Variants in MARCHF7 observed in about 807,000 individuals in gnomAD.
The protein encoded by MARCHF7 is membrane associated ring-CH-type finger 7.
A neutral mutation model predicts 76.5 loss-of-function variants in MARCHF7; 20 were observed. That is an observed-to-expected ratio of 0.26 (90% CI 0.18 to 0.38). MARCHF7 has a LOEUF of 0.38. MARCHF7 is among the 10% of genes least tolerant of loss of function. The pLI, the probability that MARCHF7 is intolerant of heterozygous loss-of-function variation, is 1.00. For synonymous variants in MARCHF7, 295 were observed against 293.0 expected (o/e 1.01, Z -0.07); for missense variants, 797 against 812.9 (o/e 0.98, Z 0.24).
In MARCHF7 at chr2:159,764,657, A is replaced by C. The variant is rs754805012; in HGVS notation, c.2039A>C (p.His680Pro). Residue 680 changes from histidine (H) to proline (P), a missense_variant, in exon 11 of 12, where the codon CAT becomes CCT. Around this residue, in one of 3 missense-constraint regions of MARCHF7, gnomAD observed 124 missense variants for 121.3 expected, o/e 1.02. Coordinates refer to ENST00000409175, the MANE Select transcript of MARCHF7 (RefSeq NM_001282805.2). ...FINLARTLQA[H>P]MEDLETSEDD... ...AACCTTGCAAGAACTCTTCAGGCAC[A>C]TATGGAAGATCTCGAAAGTAGGTGG... is the stretch of plus-strand genomic sequence containing the variant. 6.9e-6 allele frequency: 11 copies of C among 1,603,208 alleles called. No homozygotes were observed. In the South Asian group the frequency reaches 1.2e-4, roughly 18 times the overall value.
intron 5 of MARCHF7, among the ~76,000 whole-genome samples, chr2:159,743,788 TC>T (rs1250901687): frequency 1.3e-5 from 2 of 150,462 alleles, no homozygotes; most frequent in African/African-American, 2.4e-5. Context: ...ATGCCTGTAG[TC>T]CCCAGCCACT....
intron 4 of MARCHF7, among the ~76,000 whole-genome samples, chr2:159,734,288 A>T (rs1574284643): frequency 6.6e-6 from 1 of 150,798 alleles, no homozygotes; most frequent in East Asian, 1.9e-4. Flanking sequence ...GAGGCTTTTT[A>T]TAAGGTTGTA....
chr2:159,734,148 A>G (rs1206914392), intron 4 of MARCHF7: 6 of 1,097,200 alleles, frequency 5.5e-6, no homozygotes, highest in African/African-American at 1.6e-5. Context: ...AAAAGGGGTT[A>G]TTTGTGGATA....
Position 159,770,387 on chromosome 2 carries a change from T to C in MARCHF7, c.*3045T>C, listed in dbSNP as rs17815029. ...TAATAGTTTTCTATCACTTTTTAGT[T>C]ACTCATGTCTCATTAATGATAGTGC... On this transcript the variant is annotated 3_prime_UTR_variant, in exon 12 of 12. Transcript: ENST00000409175. 0.32 allele frequency: 48,421 copies of C among 152,078 alleles called. 9,684 individuals are homozygous for C. Among genetic ancestry groups the C allele is most frequent in the Admixed American group, 0.48 (7,371 of 15,274 alleles). The allele number at this position is 152,078 out of a possible 1,614,324, so 9.4% of individuals were successfully genotyped here. A position where few individuals can be genotyped will look rare whatever the true frequency, so the allele number is the denominator to read the frequency against.
intron 3 of MARCHF7, among the ~76,000 whole-genome samples, chr2:159,727,669 G>A (rs1452565686): frequency 1.3e-5 from 2 of 152,282 alleles, no homozygotes; most frequent in East Asian, 1.9e-4. Context: ...ACAATCTAGC[G>A]TACATTCATG....
intron 1 of MARCHF7, among the ~76,000 whole-genome samples, chr2:159,713,019 G>A (rs1700423461): frequency 6.6e-6 from 1 of 152,244 alleles, no homozygotes; most frequent in Non-Finnish European, 1.5e-5. Flanking sequence ...GGCCGCGGGT[G>A]TCGCGCGTGA....
chr2:159,762,820 A>T (rs562194971), intron 9 of MARCHF7, 60 bp from the exon 10 acceptor site: 1 of 998,436 alleles, frequency 1.0e-6, no homozygotes, highest in East Asian at 2.5e-5. Flanking sequence ...ATCAATCTCA[A>T]TTCTACTAAT....
chr2:159,751,185 T>G (rs1037464369), intron 7 of MARCHF7, among the ~76,000 whole-genome samples: 21 of 152,226 alleles, frequency 1.4e-4, no homozygotes, highest in African/African-American at 4.3e-4. Context: ...TAGATTAATT[T>G]AAGTACAGTA....
At position 159,770,943 on chromosome 2, in the gene MARCHF7, C is replaced by G. The variant is rs1708127593; in HGVS notation, c.*3601C>G. On this transcript the variant is annotated 3_prime_UTR_variant, in exon 12 of 12. Coordinates refer to ENST00000409175, the MANE Select transcript of MARCHF7 (RefSeq NM_001282805.2). Reference sequence around the variant, plus strand: ...TGGTGAGGAAAATTACTCGTTTCAGCTTTTTCATTTTTTTACTCCCCAAAT... The same window carrying G: ...TGGTGAGGAAAATTACTCGTTTCAGGTTTTTCATTTTTTTACTCCCCAAAT... The G allele has an allele frequency of 4.6e-5, 7 of 152,100 alleles. No homozygotes were observed. 9.4% of individuals were successfully genotyped at this position (152,100 alleles called of 1,614,324 possible).
In MARCHF7 at chr2:159,769,117, A is replaced by G. The variant is rs564234643; in HGVS notation, c.*1775A>G. The G allele has an allele frequency of 6.6e-6, 1 of 152,298 alleles. No individual in the cohort carries two copies. Among genetic ancestry groups the G allele is most frequent in the East Asian group, 1.9e-4 (1 of 5,182 alleles). 9.4% of individuals were successfully genotyped at this position (152,298 alleles called of 1,614,324 possible). A position where few individuals can be genotyped will look rare whatever the true frequency, so the allele number is the denominator to read the frequency against. On this transcript the variant is annotated 3_prime_UTR_variant, in exon 12 of 12. Transcript: ENST00000409175. The stretch of plus-strand genomic sequence containing the variant: ...GTTATCAGTTTTAAATTCTGAACAA[A>G]AGAGACCATACACTGCTCACTACAA...
intron 6 of MARCHF7, among the ~76,000 whole-genome samples, chr2:159,746,560 C>T (rs546812608): frequency 1.3e-5 from 2 of 152,320 alleles, no homozygotes; most frequent in Admixed American, 1.3e-4. Context: ...TGCCACCATG[C>T]CCAGCTAATT....
chr2:159,734,075 T>C, intron 4 of MARCHF7: 1 of 1,354,746 alleles, frequency 7.4e-7, no homozygotes, highest in Non-Finnish European at 9.7e-7. Flanking sequence ...CTTATGTCTT[T>C]AGTAACAGTA....
intron 4 of MARCHF7, among the ~76,000 whole-genome samples, chr2:159,739,459 A>T (rs181694515): frequency 1.3e-3 from 200 of 152,366 alleles, no homozygotes; most frequent in African/African-American, 4.6e-3. Flanking sequence ...AAAAATTTAC[A>T]GTTGTTCATA....
At chr2:159,753,423 T>A (rs546725373) in intron 8 of MARCHF7, among the ~76,000 whole-genome samples, 1 of 151,864 alleles carries the variant, frequency 6.6e-6, no homozygotes, top group Non-Finnish European at 1.5e-5. Flanking sequence ...TAAAAAAAAA[T>A]TAGCCAACCT....
intron 8 of MARCHF7, among the ~76,000 whole-genome samples, chr2:159,757,096 A>G (rs1359449586): frequency 6.6e-6 from 1 of 152,068 alleles, no homozygotes; most frequent in Non-Finnish European, 1.5e-5. Context: ...AGTTTTGTCA[A>G]GTTGGCCAGG....
At chr2:159,761,402 A>ATTTTTT (rs1437341788) in intron 9 of MARCHF7, among the ~76,000 whole-genome samples, 9 of 68,438 alleles carry the variant, frequency 1.3e-4, no homozygotes, top group East Asian at 3.5e-4. Flanking sequence ...TAAGTGAATC[A>ATTTTTT]TTTCTTTTTT....
At chr2:159,756,128 A>C (rs1169466730) in intron 8 of MARCHF7, among the ~76,000 whole-genome samples, 1 of 152,210 alleles carries the variant, frequency 6.6e-6, no homozygotes, top group African/African-American at 2.4e-5. Flanking sequence ...TTGACACTTA[A>C]GGGCCCAGAA....
At chr2:159,763,709 T>G (rs1271154970) in intron 10 of MARCHF7, among the ~76,000 whole-genome samples, 2 of 152,228 alleles carry the variant, frequency 1.3e-5, no homozygotes, top group African/African-American at 2.4e-5. Context: ...ACATGTTAAC[T>G]TCGGTGATAA....
At chr2:159,752,781 T>C (rs554486403) in intron 8 of MARCHF7, among the ~76,000 whole-genome samples, 1 of 152,346 alleles carries the variant, frequency 6.6e-6, no homozygotes, top group East Asian at 1.9e-4. Context: ...CCAAACTGTT[T>C]ACTACTTCAT....
Sources: allele counts gnomAD v4.1 joint callset (sites outside exome capture counted in the v4.1 genomes callset), GRCh38; gene constraint gnomAD v4.1.1; regional missense constraint gnomAD v4.1.1; transcripts MANE v1.5; gene names NCBI Gene and HGNC (gene_info 2026-07-23, HGNC 2026-07-21).